IQSEC1: variants seen among roughly 807,000 people sequenced by gnomAD.
IQSEC1 encodes the protein IQ motif and Sec7 domain ArfGEF 1.
A neutral mutation model predicts 91.0 loss-of-function variants in IQSEC1; 31 were observed. The ratio of observed to expected loss-of-function variants is 0.34; its 90% CI spans 0.26 to 0.46. The LOEUF is 0.46. Among genes scored for constraint, IQSEC1 ranks in the 20% least tolerant of loss-of-function variants. The pLI is 1.00. For synonymous variants in IQSEC1, 699 were observed against 662.6 expected, an observed-to-expected ratio of 1.05 and a Z score of -0.84; for missense variants, 1,388 against 1,575.6, an observed-to-expected ratio of 0.88 and a Z score of 2.02.
chr3:12,908,518 G>A lies in IQSEC1; in HGVS notation c.2586C>T (p.Leu862=), dbSNP rs768823608. ...EMEKHRIESE[L]EKQKGVVRPS... is the part of the protein sequence containing the mutation. ...GCCGCACGACGCCTTTCTGCTTCTC[G>A]AGCTCCGCTGGAACAGAGAGGGTGA... is the stretch of plus-strand genomic sequence containing the variant. The change falls in exon 12 of 14, where the codon CTC becomes CTT. Residue 862 remains leucine, a synonymous_variant. Transcript: ENST00000613206. This position sits in a 1 kb window ranked among gnomAD's most constrained non-coding sequence, Gnocchi z 4.9. The A allele has an allele frequency of 3.7e-6, 6 of 1,613,458 alleles. No individual in the cohort carries two copies. In the African/African-American group the frequency reaches 4.0e-5, roughly 11 times the overall value.
At chr3:13,097,028 T>G (rs1223567226) in intron 2 of IQSEC1, among the ~76,000 whole-genome samples, 1 of 151,972 alleles carries the variant, frequency 6.6e-6, no homozygotes, top group Non-Finnish European at 1.5e-5. Flanking sequence ...GCCTGGCTAA[T>G]TTTTTGTATT....
intron 12 of IQSEC1, among the ~76,000 whole-genome samples, chr3:12,904,617 G>A (rs1009649162): frequency 3.9e-5 from 6 of 152,134 alleles, no homozygotes; most frequent in African/African-American, 1.4e-4. Flanking sequence ...GGGTGGCCAC[G>A]GCCATCAGAC....
intron 1 of IQSEC1, among the ~76,000 whole-genome samples, chr3:12,942,936 G>A (rs942042594): frequency 1.3e-5 from 2 of 152,190 alleles, no homozygotes; most frequent in South Asian, 2.1e-4. Flanking sequence ...CCCTGCCTAC[G>A]CCCTGATCCC....
At chr3:13,245,212 C>T (rs189016409) in intron 1 of IQSEC1, among the ~76,000 whole-genome samples, 2 of 152,106 alleles carry the variant, frequency 1.3e-5, no homozygotes. Context: ...AGCCATGAAG[C>T]CACGAAGCCA....
intron 2 of IQSEC1, among the ~76,000 whole-genome samples, chr3:13,099,141 T>C (rs973281419): frequency 3.3e-5 from 5 of 152,178 alleles, no homozygotes; most frequent in East Asian, 3.9e-4. Flanking sequence ...TAGACTAGCC[T>C]GTCCCGCACC....
intron 1 of IQSEC1, among the ~76,000 whole-genome samples, chr3:12,981,612 CAT>C (rs1701466420): frequency 6.6e-6 from 1 of 152,176 alleles, no homozygotes; most frequent in Admixed American, 6.5e-5. Flanking sequence ...ATGTTAGAAA[CAT>C]AGACAAAGCT....
intron 1 of IQSEC1, among the ~76,000 whole-genome samples, chr3:13,043,683 G>A (rs1436525450): frequency 6.6e-6 from 1 of 152,234 alleles, no homozygotes; most frequent in Non-Finnish European, 1.5e-5. Context: ...CTCCAGGGCA[G>A]GGGCCACATC....
chr3:13,149,806 T>C (rs1706961589), intron 2 of IQSEC1, among the ~76,000 whole-genome samples: 1 of 152,228 alleles, frequency 6.6e-6, no homozygotes, highest in South Asian at 2.1e-4. Context: ...TGCCCTGCCT[T>C]GGTGCAGATA....
intron 2 of IQSEC1, among the ~76,000 whole-genome samples, chr3:13,149,871 C>T (rs1194531260): frequency 6.6e-6 from 1 of 152,202 alleles, no homozygotes; most frequent in Non-Finnish European, 1.5e-5. Flanking sequence ...CTGAGGGGTA[C>T]AGTCATGACC....
intron 1 of IQSEC1, among the ~76,000 whole-genome samples, chr3:13,018,840 C>T (rs896081035): frequency 2.6e-4 from 40 of 152,200 alleles, no homozygotes; most frequent in African/African-American, 9.4e-4. Context: ...AGCTTCAGAA[C>T]GTCTCTAAGA....
chr3:12,950,274 T>C (rs1699453462), intron 1 of IQSEC1, among the ~76,000 whole-genome samples: 1 of 152,196 alleles, frequency 6.6e-6, no homozygotes, highest in Non-Finnish European at 1.5e-5. Context: ...TCTGGAATGT[T>C]CTCGGGACTG....
At chr3:12,974,929 G>A (rs1353168051) in intron 1 of IQSEC1, among the ~76,000 whole-genome samples, 1 of 152,230 alleles carries the variant, frequency 6.6e-6, no homozygotes, top group Non-Finnish European at 1.5e-5. Flanking sequence ...TGTCCCCCGT[G>A]TCCACTCTCT....
rs554393394 is a variant in IQSEC1, at chr3:12,898,749, T to C, written c.*2234A>G. ...CTTTACTTCAACGATGTGTTTACAG[T>C]CACGCCAATACATTTTGCAAACGCA... On this transcript the variant is annotated 3_prime_UTR_variant, in exon 14 of 14. Transcript: ENST00000613206. The C allele has an allele frequency of 6.5e-6, 1 of 152,830 alleles. No individual in the cohort carries two copies. The highest frequency in any genetic ancestry group is 2.4e-5 in the African/African-American group (1 of 41,590). 9.5% of individuals were successfully genotyped at this position (152,830 alleles called of 1,614,324 possible).
intron 1 of IQSEC1, among the ~76,000 whole-genome samples, chr3:13,199,888 C>A (rs1694207972): frequency 1.3e-5 from 2 of 150,376 alleles, no homozygotes; most frequent in African/African-American, 4.9e-5. Context: ...ACACACACAC[C>A]ACACACACAC....
rs67111631 is a variant in IQSEC1, at chr3:12,940,735, T to C, written c.318+836A>G. On this transcript the variant is annotated intron_variant, in intron 2 of 13. Transcript: ENST00000613206. This position sits in a 1 kb window ranked among gnomAD's most constrained non-coding sequence, Gnocchi z 4.4. ...CTCAAACTGCTAAGCGGCTTGTCCA[T>C]GCACTGGCCCACTCACCCCCTCACT... Among the ~76,000 whole-genome samples the C allele has an allele frequency of 0.12, 18,087 of 152,230 alleles. 1,211 individuals carry two copies. The highest frequency in any genetic ancestry group is 0.19 in the South Asian group (912 of 4,828).
chr3:13,069,342 C>A (rs528927800), intron 1 of IQSEC1, among the ~76,000 whole-genome samples: 1 of 152,292 alleles, frequency 6.6e-6, no homozygotes, highest in Admixed American at 6.5e-5. Flanking sequence ...GCAGAACTGA[C>A]CCAGCCAAGG....
chr3:13,017,983 C>T (rs1384855847), intron 1 of IQSEC1, among the ~76,000 whole-genome samples: 4 of 152,118 alleles, frequency 2.6e-5, no homozygotes, highest in South Asian at 2.1e-4. Context: ...GGCTGGTGAC[C>T]CCTTCCTCAG....
At chr3:13,157,744 C>T (rs996444233) in intron 2 of IQSEC1, among the ~76,000 whole-genome samples, 3 of 152,160 alleles carry the variant, frequency 2.0e-5, no homozygotes, top group Non-Finnish European at 2.9e-5. Flanking sequence ...CAGACCCTCC[C>T]TCAGGATTCT....
chr3:13,215,339 A>C (rs1411092220), intron 1 of IQSEC1, among the ~76,000 whole-genome samples: 1 of 151,424 alleles, frequency 6.6e-6, no homozygotes, highest in African/African-American at 2.4e-5. Context: ...AGCACAGATC[A>C]TCAGCCTACA....
Sources: gnomAD v4.1 joint callset for allele counts (sites outside exome capture counted in the v4.1 genomes callset) on GRCh38, gnomAD v4.1.1 for gene constraint, Gnocchi (gnomAD v3.1) non-coding constraint, MANE v1.5 for transcripts, NCBI Gene and HGNC (gene_info 2026-07-23, HGNC 2026-07-21) for gene names.